The following ADAMTSL2 variants were observed in gnomAD, a reference collection of about 807,000 sequenced individuals.
The protein encoded by ADAMTSL2 is ADAMTS like 2.
Under a neutral mutation model 117.0 loss-of-function variants are expected in ADAMTSL2, and 55 were observed. The observed-to-expected ratio is 0.47, with a 90% CI of 0.38 to 0.59. The LOEUF is 0.59. Ranked by LOEUF, ADAMTSL2 falls within the 20% of genes least tolerant of loss-of-function variation. ADAMTSL2 has a pLI of 0.00. For synonymous variants in ADAMTSL2, 572 were observed against 566.4 expected (o/e 1.01, Z -0.14); for missense variants, 1,182 against 1,354.5 (o/e 0.87, Z 2.00).
In ADAMTSL2 at chr9:133,569,440, C is replaced by G; in HGVS notation, c.2277C>G (p.Ile759Met). Residue 759 changes from isoleucine (I) to methionine (M), a missense_variant, in exon 16 of 19, where the codon ATC becomes ATG. Coordinates refer to ENST00000651351, the MANE Select transcript of ADAMTSL2 (RefSeq NM_014694.4). ...GAAGCTGCGGGCAAGGCCGCACCAT[C>G]AGGCACGTGTACTGCAAGACCAGCG... is the stretch of plus-strand genomic sequence containing the variant. The part of the protein sequence containing the change: ...CSGSCGQGRT[I>M]RHVYCKTSDG... The G allele has an allele frequency of 6.2e-7, 1 of 1,613,580 alleles. No individual in the cohort carries two copies. Among genetic ancestry groups the G allele is most frequent in the African/African-American group, 1.3e-5 (1 of 75,064 alleles).
intron 8 of ADAMTSL2, among the ~76,000 whole-genome samples, chr9:133,545,898 T>G (rs1830336390): frequency 6.6e-6 from 1 of 152,086 alleles, no homozygotes; most frequent in East Asian, 1.9e-4. Context: ...GACTCTAATT[T>G]GCGTTATCTT....
chr9:133,569,338 T>G, intron 15 of ADAMTSL2, 70 bp from the exon 16 acceptor site: 1 of 1,537,694 alleles, frequency 6.5e-7, no homozygotes, highest in Non-Finnish European at 8.9e-7. Flanking sequence ...CCCTTGGGAC[T>G]GACATCCAGG....
At position 133,558,019 on chromosome 9, in the gene ADAMTSL2, A is replaced by AG. The variant is rs965073288; in HGVS notation, c.1649+2092dup. ...TCAAATATTCAGTGATCCTTAGGCC[A>AG]GGGTCATGGCACAAGCTTACGGATC... is the stretch of plus-strand genomic sequence containing the variant. On this transcript the variant is annotated intron_variant, in intron 11 of 18. Transcript: ENST00000651351. The surrounding 1 kb of genome is among the most constrained non-coding windows in gnomAD (Gnocchi z 4.3). 6.6e-6 allele frequency among the ~76,000 whole-genome samples: 1 copy of AG among 152,170 alleles called. No homozygotes were observed. Among genetic ancestry groups the AG allele is most frequent in the African/African-American group, 2.4e-5 (1 of 41,444 alleles).
intron 17 of ADAMTSL2, among the ~76,000 whole-genome samples, chr9:133,572,409 C>T (rs1369226183): frequency 1.3e-5 from 2 of 152,118 alleles, no homozygotes; most frequent in African/African-American, 4.8e-5. Flanking sequence ...CACGGCGTGC[C>T]GGGCCCTGAA....
intron 12 of ADAMTSL2, among the ~76,000 whole-genome samples, chr9:133,563,827 GA>G (rs1830809983): frequency 2.2e-5 from 2 of 89,114 alleles, no homozygotes; most frequent in Non-Finnish European, 2.4e-5. Flanking sequence ...GGGAGAGAGA[GA>G]GAGAGAGAGA....
At chr9:133,532,507 T>G (rs1274845259), upstream of ADAMTSL2, 2 of 152,244 alleles carry the variant, frequency 1.3e-5, no homozygotes, top group African/African-American at 4.8e-5. Flanking sequence ...AACAATCCCC[T>G]TCTAAAGGCA....
At chr9:133,561,597 A>C (rs945656552) in intron 12 of ADAMTSL2, among the ~76,000 whole-genome samples, 12 of 152,204 alleles carry the variant, frequency 7.9e-5, no homozygotes, top group Non-Finnish European at 1.5e-4. Flanking sequence ...TTGTTAGGGC[A>C]AACATCCTTT....
At chr9:133,539,435 G>C (rs575000611) in intron 4 of ADAMTSL2, among the ~76,000 whole-genome samples, 1 of 152,220 alleles carries the variant, frequency 6.6e-6, no homozygotes, top group South Asian at 2.1e-4. Flanking sequence ...CTGAGGACAC[G>C]GGCGAGGGGA....
chr9:133,543,614 G>A (rs561778476), intron 7 of ADAMTSL2, among the ~76,000 whole-genome samples: 5 of 152,346 alleles, frequency 3.3e-5, no homozygotes, highest in South Asian at 4.1e-4. Flanking sequence ...GATGGCAGGC[G>A]GGTACTGGCC....
At chr9:133,560,680 T>G (rs1208679237) in intron 11 of ADAMTSL2, among the ~76,000 whole-genome samples, 4 of 152,204 alleles carry the variant, frequency 2.6e-5, no homozygotes, top group African/African-American at 9.7e-5. Context: ...GCAGCCGAGC[T>G]TTTTAATTTT....
At chr9:133,550,702 C>T (rs570031354) in intron 9 of ADAMTSL2, among the ~76,000 whole-genome samples, 23 of 151,640 alleles carry the variant, frequency 1.5e-4, no homozygotes, top group Non-Finnish European at 3.1e-4. Context: ...CGTTCAGGAG[C>T]GGAAGGAGCT....
intron 12 of ADAMTSL2, among the ~76,000 whole-genome samples, chr9:133,563,926 A>G (rs1316014085): frequency 3.0e-5 from 1 of 32,980 alleles, no homozygotes; most frequent in South Asian, 1.7e-3. Flanking sequence ...AGGGAGAGAG[A>G]GAGAGAGAGA....
At position 133,534,873 on chromosome 9, in the gene ADAMTSL2, G is replaced by A; in HGVS notation, c.-195G>A. ...CCTGGCGCCGTCTGCCCTCCGCAGC[G>A]CTCGCCCCTTTCTCTGGGAGGACAA... On this transcript the variant is annotated 5_prime_UTR_variant, in exon 1 of 19. Coordinates refer to ENST00000651351, the MANE Select transcript of ADAMTSL2 (RefSeq NM_014694.4). The A allele has an allele frequency of 6.8e-7, 1 of 1,475,052 alleles. No homozygotes were observed. The highest frequency in any genetic ancestry group is 1.3e-5 in the South Asian group (1 of 75,748). 91.4% of individuals were successfully genotyped at this position (1,475,052 alleles called of 1,614,324 possible). A position where few individuals can be genotyped will look rare whatever the true frequency, so the allele number is the denominator to read the frequency against.
chr9:133,551,114 T>TA (rs1830471824), intron 9 of ADAMTSL2, among the ~76,000 whole-genome samples: 1 of 152,182 alleles, frequency 6.6e-6, no homozygotes, highest in Non-Finnish European at 1.5e-5. Flanking sequence ...CACCGATGCT[T>TA]ACATCACATG....
At chr9:133,564,503 AGAGAGAGAGG>A (rs1343106526) in intron 12 of ADAMTSL2, among the ~76,000 whole-genome samples, 4 of 60,484 alleles carry the variant, frequency 6.6e-5, no homozygotes, top group Admixed American at 1.8e-4. Context: ...ACAGAGAGGG[AGAGAGAGAGG>A]GAGAGGGAGA....
At position 133,542,446 on chromosome 9, in the gene ADAMTSL2, C is replaced by T. The variant is rs536994122; in HGVS notation, c.682+1445C>T. On this transcript the variant is annotated intron_variant, in intron 7 of 18. Transcript: ENST00000651351. ...GAGTGGGCATTGGGGCAGCACGTGT[C>T]TTGTAGGGCACGTAGTGTGTGCCAG... Among the ~76,000 whole-genome samples the T allele has an allele frequency of 3.9e-5, 6 of 152,302 alleles. 1 individual carries two copies. In the South Asian group the frequency reaches 1.2e-3, roughly 32 times the overall value.
chr9:133,560,442 C>T (rs1362386563), intron 11 of ADAMTSL2, among the ~76,000 whole-genome samples: 1 of 152,238 alleles, frequency 6.6e-6, no homozygotes, highest in African/African-American at 2.4e-5. Flanking sequence ...TCCCTCCTCC[C>T]CTGCCGAGTC....
rs752724301 is a variant in ADAMTSL2, at chr9:133,547,175, G to A, written c.901G>A (p.Val301Met). Residue 301 changes from valine to methionine, a missense_variant, in exon 9 of 19, where the codon GTG becomes ATG. By Grantham distance (21) the Val-to-Met change is conservative. Transcript: ENST00000651351. ...CTATGAGACCGGAATCGAGTACATC[G>A]TGGCACAGGGGCCCACCAACCAGGG... is the stretch of plus-strand genomic sequence containing the variant. ...DVYETGIEYI[V>M]AQGPTNQGLN... The A allele has an allele frequency of 1.6e-5, 26 of 1,613,994 alleles. No individual in the cohort carries two copies. The East Asian group carries it at 2.2e-4, about 14-fold the overall frequency.
chr9:133,571,090 G>A (rs1002546150), intron 17 of ADAMTSL2, among the ~76,000 whole-genome samples: 8 of 152,166 alleles, frequency 5.3e-5, no homozygotes, highest in African/African-American at 1.9e-4. Context: ...TGCTGAGATC[G>A]CGGTTCTCTT....
Sources: gnomAD v4.1 joint callset for allele counts (sites outside exome capture counted in the v4.1 genomes callset) on GRCh38, gnomAD v4.1.1 for gene constraint, Gnocchi (gnomAD v3.1) non-coding constraint, MANE v1.5 for transcripts, NCBI Gene and HGNC (gene_info 2026-07-23, HGNC 2026-07-21) for gene names.